The following RGN variants were observed in gnomAD, a reference collection of about 807,000 sequenced individuals.
RGN encodes regucalcin.
In RGN, 19 loss-of-function variants were observed where a neutral mutation model predicts 20.6. The observed-to-expected ratio is 0.92, with a 90% CI of 0.64 to 1.35. The LOEUF (loss-of-function observed/expected upper bound fraction) is 1.35, where lower values mean the gene tolerates loss of function less well. Ranked by LOEUF, RGN falls within the 40% of genes most tolerant of loss-of-function variation. The pLI, the probability that RGN is intolerant of heterozygous loss-of-function variation, is 0.00. For missense variants in RGN, 302 were observed against 232.7 expected (o/e 1.30, Z -1.94); for synonymous variants, 85 against 87.2 (o/e 0.97, Z 0.14).
intron 3 of RGN, 97 bp from the exon 4 acceptor site, chrX:47,084,320 TG>T: frequency 1.4e-6 from 1 of 726,824 alleles, no homozygotes; most frequent in Non-Finnish European, 2.0e-6. Context: ...TCACGAGAGC[TG>T]GGCTCCCGCT....
chrX:47,084,090 ACTC>A (rs1569540157), intron 3 of RGN, among the ~76,000 whole-genome samples: 1 of 108,589 alleles, frequency 9.2e-6, no homozygotes, highest in Non-Finnish European at 1.9e-5. Context: ...TAGATTAGAA[ACTC>A]CTCCTCTGAA....
At chrX:47,086,069 T>C (rs1298956982) in intron 4 of RGN, among the ~76,000 whole-genome samples, 35 of 112,344 alleles carry the variant, frequency 3.1e-4, no homozygotes, top group African/African-American at 1.1e-3. Flanking sequence ...CTCTTTGATC[T>C]TTTTTAAAAC....
Position 47,080,431 on chromosome X carries a change from T to A in RGN, c.-521T>A, listed in dbSNP as rs1930246444. On this transcript the variant is annotated 5_prime_UTR_variant, in exon 2 of 8. Coordinates refer to ENST00000397180, the MANE Select transcript of RGN (RefSeq NM_152869.4). ...CACTCTTTGCCAAACTGGCACGGTG[T>A]CTTCCTGGGAAGCAAGAAATCACTG... The A allele has an allele frequency of 9.0e-6, 1 of 111,651 alleles. No individual in the cohort carries two copies. The highest frequency in any genetic ancestry group is 3.3e-5 in the African/African-American group (1 of 30,692). The allele number at this position is 111,651 out of a possible 1,213,427, so 9.2% of individuals were successfully genotyped here.
At chrX:47,086,997 C>G (rs181316861) in intron 4 of RGN, among the ~76,000 whole-genome samples, 6 of 110,870 alleles carry the variant, frequency 5.4e-5, no homozygotes, top group South Asian at 7.7e-4. Flanking sequence ...TAAGTCCACA[C>G]AAATATCCTG....
At chrX:47,083,479 T>C (rs1556382418) in intron 3 of RGN, among the ~76,000 whole-genome samples, 2 of 111,780 alleles carry the variant, frequency 1.8e-5, no homozygotes, top group African/African-American at 3.3e-5. Context: ...AATGTAGTAA[T>C]ATAATGAAGA....
At chrX:47,090,913 AAG>A (rs1556387377) in intron 5 of RGN, among the ~76,000 whole-genome samples, 11 of 27,322 alleles carry the variant, frequency 4.0e-4, no homozygotes, top group African/African-American at 1.5e-3. Context: ...AAGAAAGAAG[AAG>A]GAAAGAAAGA....
At chrX:47,083,651 C>T (rs1359333230) in intron 3 of RGN, among the ~76,000 whole-genome samples, 4 of 111,880 alleles carry the variant, frequency 3.6e-5, no homozygotes, top group African/African-American at 1.3e-4. Flanking sequence ...TGGCTCACGC[C>T]TAATATCCCA....
rs377535619 is a variant in RGN at position 47,091,768 on chromosome X, G to A, written c.653G>A (p.Cys218Tyr). 7.4e-6 allele frequency: 9 copies of A among 1,211,106 alleles called. No individual in the cohort carries two copies. Among genetic ancestry groups the A allele is most frequent in the Non-Finnish European group, 1.0e-5 (9 of 895,139 alleles). Reference sequence around the variant, plus strand: ...GCTGAGGGGAAGCTCTGGGTGGCCTGTTACAATGGAGGAAGAGTGATTCGT... The same window carrying A: ...GCTGAGGGGAAGCTCTGGGTGGCCTATTACAATGGAGGAAGAGTGATTCGT... Reference protein sequence around the residue: ...IDAEGKLWVACYNGGRVIRLD... With the variant: ...IDAEGKLWVAYYNGGRVIRLD... Residue 218 changes from cysteine to tyrosine, a missense_variant, in exon 6 of 8, where the codon TGT becomes TAT. Coordinates refer to ENST00000397180, the MANE Select transcript of RGN (RefSeq NM_152869.4).
intron 4 of RGN, chrX:47,084,948 C>T (rs782394975): frequency 1.8e-5 from 3 of 168,151 alleles, no homozygotes; most frequent in South Asian, 3.2e-4. Flanking sequence ...GAGTGAGACC[C>T]GGTCTCGAAA....
intron 4 of RGN, among the ~76,000 whole-genome samples, chrX:47,085,564 G>T (rs1210090969): frequency 3.6e-5 from 4 of 110,766 alleles, no homozygotes; most frequent in African/African-American, 1.3e-4. Context: ...CTTTTACCCG[G>T]GTTCACCTAT....
At chrX:47,084,634 GC>G in intron 4 of RGN, 34 bp downstream of exon 4, 1 of 1,105,671 alleles carries the variant, frequency 9.0e-7, no homozygotes, top group African/African-American at 1.8e-5. Flanking sequence ...TTATTACTGA[GC>G]CTTGGAGGAA....
chrX:47,082,076 A>G (rs1556381697), intron 3 of RGN, among the ~76,000 whole-genome samples: 1 of 111,854 alleles, frequency 8.9e-6, no homozygotes, highest in East Asian at 2.8e-4. Context: ...TTTACTGCAC[A>G]AAATAGAATT....
chrX:47,089,554 CTTATATATACATA>C (rs1200176247), intron 4 of RGN, among the ~76,000 whole-genome samples: 2 of 77,021 alleles, frequency 2.6e-5, no homozygotes, highest in Non-Finnish European at 4.6e-5. Flanking sequence ...ATTATATACA[CTTATATATACATA>C]TTATATATAC....
intron 4 of RGN, chrX:47,084,954 C>T (rs1930520282): frequency 6.4e-6 from 1 of 156,396 alleles, no homozygotes; most frequent in Non-Finnish European, 1.2e-5. Context: ...GACCCGGTCT[C>T]GAAAAAAGAA....
At chrX:47,087,373 A>T (rs1303003617) in intron 4 of RGN, 1 of 111,682 alleles carries the variant, frequency 9.0e-6, no homozygotes, top group Non-Finnish European at 1.9e-5. Flanking sequence ...GGACAGGTTG[A>T]AAGATTAAAG....
chrX:47,078,955 CTTT>C (rs781962121), intron 1 of RGN, among the ~76,000 whole-genome samples: 1 of 78,619 alleles, frequency 1.3e-5, no homozygotes, highest in African/African-American at 4.9e-5. Flanking sequence ...CCCACCCCCG[CTTT>C]TTTTTTTTTT....
intron 5 of RGN, among the ~76,000 whole-genome samples, chrX:47,090,912 GAAGGAAA>G (rs1569540714): frequency 4.5e-4 from 14 of 30,911 alleles, no homozygotes; most frequent in African/African-American, 1.4e-3. Context: ...AAAGAAAGAA[GAAGGAAA>G]GAAAGAAAGA....
At chrX:47,085,906 A>G (rs1217433488) in intron 4 of RGN, among the ~76,000 whole-genome samples, 1 of 112,341 alleles carries the variant, frequency 8.9e-6, no homozygotes, top group Non-Finnish European at 1.9e-5. Flanking sequence ...TACAGTGATC[A>G]ACTTAGAGAA....
At chrX:47,090,867 AAAG>A (rs1478220203) in intron 5 of RGN, among the ~76,000 whole-genome samples, 3 of 97,337 alleles carry the variant, frequency 3.1e-5, no homozygotes, top group Admixed American at 1.2e-4. Flanking sequence ...GTCAAAAAAA[AAAG>A]AAAGAAAGAA....
Sources: allele counts gnomAD v4.1 joint callset (sites outside exome capture counted in the v4.1 genomes callset), GRCh38; gene constraint gnomAD v4.1.1; transcripts MANE v1.5; gene names NCBI Gene and HGNC (gene_info 2026-07-23, HGNC 2026-07-21).